RBFOX1: variants seen among roughly 807,000 people sequenced by gnomAD.
The protein encoded by RBFOX1 is RNA binding fox-1 homolog 1.
Under a neutral mutation model 57.7 loss-of-function variants are expected in RBFOX1, and 8 were observed. The ratio of observed to expected loss-of-function variants is 0.14; its 90% CI spans 0.08 to 0.25. RBFOX1 has a LOEUF of 0.25. RBFOX1 is among the 10% of genes least tolerant of loss of function. The pLI is 1.00. For missense variants in RBFOX1, 611 were observed against 548.5 expected (o/e 1.11, Z -1.14); for synonymous variants, 326 against 222.4 (o/e 1.47, Z -4.15).
intron 2 of RBFOX1, among the ~76,000 whole-genome samples, chr16:5,547,689 G>A (rs4786705): frequency 0.72 from 109,336 of 152,032 alleles, 39,854 homozygotes; most frequent in East Asian, 0.99. Flanking sequence ...TGTGCTGCAT[G>A]TACACAATGG....
rs1038424374 is a variant in RBFOX1 at position 7,712,706 on chromosome 16, G to T, written c.*1961G>T. ...CCCCCACCTGGAAAACAGTGTTATG[G>T]CAATGGGTGCCTGGTTGATGTTCTT... On this transcript the variant is annotated 3_prime_UTR_variant, in exon 16 of 16. Transcript: ENST00000550418. 6.6e-6 allele frequency: 1 copy of T among 152,174 alleles called. No individual in the cohort carries two copies. The highest frequency in any genetic ancestry group is 2.1e-4 in the South Asian group (1 of 4,830). 9.4% of individuals were successfully genotyped at this position (152,174 alleles called of 1,614,324 possible).
intron 3 of RBFOX1, among the ~76,000 whole-genome samples, chr16:5,675,516 A>G (rs770207753): frequency 2.0e-5 from 3 of 152,202 alleles, no homozygotes; most frequent in Non-Finnish European, 4.4e-5. Context: ...CTCTTTCTCA[A>G]TTGGACCCAA....
chr16:7,351,756 G>A (rs1436022920), intron 4 of RBFOX1, among the ~76,000 whole-genome samples: 1 of 152,074 alleles, frequency 6.6e-6, no homozygotes, highest in Non-Finnish European at 1.5e-5. Context: ...GACTTACTGT[G>A]GTACAAGGAA....
chr16:6,753,133 G>A (rs1287629718), intron 3 of RBFOX1, among the ~76,000 whole-genome samples: 1 of 152,090 alleles, frequency 6.6e-6, no homozygotes, highest in Non-Finnish European at 1.5e-5. Flanking sequence ...AAACTTGTAG[G>A]GGGTATTTTA....
At chr16:5,890,353 C>T (rs747611531) in intron 4 of RBFOX1, among the ~76,000 whole-genome samples, 1 of 152,166 alleles carries the variant, frequency 6.6e-6, no homozygotes, top group African/African-American at 2.4e-5. Flanking sequence ...AATTTCACAG[C>T]TGAGTAAACG....
chr16:6,513,754 A>C (rs991680143), intron 2 of RBFOX1, among the ~76,000 whole-genome samples: 22 of 151,928 alleles, frequency 1.4e-4, no homozygotes, highest in Admixed American at 6.6e-4. Flanking sequence ...CAAACAAACA[A>C]AAAAAAACAA....
chr16:6,370,533 TACA>T (rs1270768573), intron 2 of RBFOX1, among the ~76,000 whole-genome samples: 1 of 152,182 alleles, frequency 6.6e-6, no homozygotes, highest in Non-Finnish European at 1.5e-5. Context: ...TGACACGTGC[TACA>T]ACATGGACAA....
intron 3 of RBFOX1, among the ~76,000 whole-genome samples, chr16:6,773,220 T>G (rs2078698482): frequency 7.1e-6 from 1 of 141,760 alleles, no homozygotes; most frequent in Non-Finnish European, 1.5e-5. Flanking sequence ...AGTGTATGTG[T>G]GGGTGTGGGG....
At chr16:6,692,176 G>A (rs575021952) in intron 3 of RBFOX1, among the ~76,000 whole-genome samples, 60 of 152,218 alleles carry the variant, frequency 3.9e-4, no homozygotes, top group African/African-American at 1.4e-3. Context: ...CAAAACCAAG[G>A]TAACTATAAA....
chr16:7,177,543 C>G lies in RBFOX1; in HGVS notation c.27+125445C>G, dbSNP rs187570187. On this transcript the variant is annotated intron_variant, in intron 4 of 15. Transcript: ENST00000550418. ...GATCAGGGATGCTTTATATGGTTTT[C>G]TACCTTGTGTCTTATTTTCAGGTGT... Among the ~76,000 whole-genome samples the G allele has an allele frequency of 9.9e-5, 15 of 151,980 alleles. No individual in the cohort carries two copies. The East Asian group carries it at 2.7e-3, about 28-fold the overall frequency.
chr16:6,673,462 C>A (rs187736264), intron 3 of RBFOX1, among the ~76,000 whole-genome samples: 1 of 152,068 alleles, frequency 6.6e-6, no homozygotes, highest in Non-Finnish European at 1.5e-5. Context: ...GTGGTGCATG[C>A]CTGTAATCCC....
chr16:6,141,193 C>T (rs1487638142), intron 1 of RBFOX1, among the ~76,000 whole-genome samples: 4 of 152,328 alleles, frequency 2.6e-5, no homozygotes, highest in East Asian at 1.9e-4. Context: ...TCACCATGGC[C>T]GCTGCTTTTG....
chr16:6,944,769 T>A (rs76017863), intron 3 of RBFOX1, among the ~76,000 whole-genome samples: 3,927 of 152,222 alleles, frequency 0.026, 175 homozygotes, highest in African/African-American at 0.09. Context: ...AGTACCCTCA[T>A]ATGGGTGTAT....
At chr16:7,171,203 A>C (rs1232670660) in intron 4 of RBFOX1, among the ~76,000 whole-genome samples, 1 of 152,196 alleles carries the variant, frequency 6.6e-6, no homozygotes, top group African/African-American at 2.4e-5. Flanking sequence ...GGCACCCAGT[A>C]CTAACTCCCA....
At chr16:6,409,127 A>G (rs2093377148) in intron 2 of RBFOX1, among the ~76,000 whole-genome samples, 1 of 152,210 alleles carries the variant, frequency 6.6e-6, no homozygotes, top group Non-Finnish European at 1.5e-5. Flanking sequence ...AACAAATAAA[A>G]GTTTACTGTC....
chr16:6,258,680 G>A (rs771816803), intron 1 of RBFOX1, among the ~76,000 whole-genome samples: 6 of 152,134 alleles, frequency 3.9e-5, no homozygotes, highest in African/African-American at 7.2e-5. Context: ...CAGGATAATT[G>A]TTTAAATGTT....
At chr16:6,185,592 TG>T (rs1215880485) in intron 1 of RBFOX1, among the ~76,000 whole-genome samples, 1 of 152,214 alleles carries the variant, frequency 6.6e-6, no homozygotes, top group African/African-American at 2.4e-5. Flanking sequence ...GTGATCAGCG[TG>T]GGTTTAAGTA....
At chr16:7,504,761 A>T (rs1370445319) in intron 4 of RBFOX1, among the ~76,000 whole-genome samples, 16 of 12,136 alleles carry the variant, frequency 1.3e-3, no homozygotes, top group South Asian at 4.3e-3. Flanking sequence ...ATATTTATAT[A>T]TATATATATT....
chr16:6,719,211 C>G (rs981199633), intron 3 of RBFOX1, among the ~76,000 whole-genome samples: 11 of 152,110 alleles, frequency 7.2e-5, no homozygotes, highest in South Asian at 4.1e-4. Flanking sequence ...TGACTTCAGT[C>G]TTCACTACTT....
Sources: allele counts gnomAD v4.1 joint callset (sites outside exome capture counted in the v4.1 genomes callset), GRCh38; gene constraint gnomAD v4.1.1; transcripts MANE v1.5; gene names NCBI Gene and HGNC (gene_info 2026-07-23, HGNC 2026-07-21).